Variants in MIPOL1 observed in about 807,000 individuals in gnomAD.
The protein encoded by MIPOL1 is mirror-image polydactyly 1.
Under a neutral mutation model 60.9 loss-of-function variants are expected in MIPOL1, and 57 were observed. That is an observed-to-expected ratio of 0.94 (90% confidence interval 0.76 to 1.17). The LOEUF (loss-of-function observed/expected upper bound fraction) is 1.17. Ranked by LOEUF, MIPOL1 falls within the 50% of genes most tolerant of loss-of-function variation. The probability of loss-of-function intolerance (pLI) is 0.00; values close to 1 mark genes in which losing one functional copy is unlikely to be tolerated. For synonymous variants in MIPOL1, 179 were observed against 168.8 expected, an observed-to-expected ratio of 1.06 and a Z score of -0.47; for missense variants, 551 against 511.6, an observed-to-expected ratio of 1.08 and a Z score of -0.74.
chr14:37,397,447 C>G (rs1434903662), intron 10 of MIPOL1, among the ~76,000 whole-genome samples: 3 of 152,116 alleles, frequency 2.0e-5, no homozygotes, highest in African/African-American at 7.2e-5. Flanking sequence ...GTTTAATGTT[C>G]TATTTTTGTG....
At chr14:37,466,003 A>G (rs990386559) in intron 11 of MIPOL1, among the ~76,000 whole-genome samples, 2 of 152,178 alleles carry the variant, frequency 1.3e-5, no homozygotes, top group African/African-American at 4.8e-5. Flanking sequence ...AGATAAAACA[A>G]GGGGCTCAAC....
intron 7 of MIPOL1, among the ~76,000 whole-genome samples, chr14:37,289,529 TTAC>T: frequency 6.6e-6 from 1 of 152,186 alleles, no homozygotes; most frequent in Non-Finnish European, 1.5e-5. Flanking sequence ...GGAATCTTAC[TTAC>T]GTTTATTAAA....
intron 10 of MIPOL1, chr14:37,399,758 A>G (rs971128386): frequency 3.9e-5 from 6 of 152,218 alleles, no homozygotes; most frequent in Non-Finnish European, 7.3e-5. Flanking sequence ...AATGGTCAGG[A>G]AAAACAGCAA....
At chr14:37,430,873 G>A (rs1267845157) in intron 11 of MIPOL1, among the ~76,000 whole-genome samples, 2 of 152,234 alleles carry the variant, frequency 1.3e-5, no homozygotes, top group East Asian at 3.9e-4. Flanking sequence ...CCAGAAGGAC[G>A]TTTTTTGGCA....
chr14:37,360,785 T>C (rs2092185670), intron 9 of MIPOL1, among the ~76,000 whole-genome samples: 1 of 152,138 alleles, frequency 6.6e-6, no homozygotes, highest in African/African-American at 2.4e-5. Context: ...GATTCATTGA[T>C]TTTTTTGAAG....
At chr14:37,429,745 C>T (rs1279287796) in intron 11 of MIPOL1, among the ~76,000 whole-genome samples, 1 of 151,786 alleles carries the variant, frequency 6.6e-6, no homozygotes, top group Non-Finnish European at 1.5e-5. Flanking sequence ...AGTATAGGTC[C>T]TTTTCTCTTT....
chr14:37,279,611 G>GT (rs938306675), intron 6 of MIPOL1, among the ~76,000 whole-genome samples: 2 of 151,758 alleles, frequency 1.3e-5, no homozygotes, highest in Non-Finnish European at 2.9e-5. Context: ...GGTTTTGAGG[G>GT]TTTTTTTGTT....
At chr14:37,341,222 G>A (rs1295916713) in intron 9 of MIPOL1, among the ~76,000 whole-genome samples, 1 of 152,076 alleles carries the variant, frequency 6.6e-6, no homozygotes, top group East Asian at 1.9e-4. Context: ...ACATGCTATT[G>A]GAAAAATGGC....
At chr14:37,358,734 C>T (rs1027288690) in intron 9 of MIPOL1, among the ~76,000 whole-genome samples, 3 of 152,068 alleles carry the variant, frequency 2.0e-5, no homozygotes, top group Non-Finnish European at 2.9e-5. Flanking sequence ...TGGATGTCAG[C>T]CCTTTGTCAC....
chr14:37,461,521 G>T (rs1259619224), intron 11 of MIPOL1, among the ~76,000 whole-genome samples: 1 of 151,932 alleles, frequency 6.6e-6, no homozygotes, highest in Non-Finnish European at 1.5e-5. Context: ...TCTGCCCCTG[G>T]CCCCCTCCCA....
At chr14:37,238,088 G>A (rs184198075) in intron 1 of MIPOL1, among the ~76,000 whole-genome samples, 6 of 152,090 alleles carry the variant, frequency 3.9e-5, no homozygotes, top group Admixed American at 3.9e-4. Flanking sequence ...TTCCTTGGTC[G>A]CCAAAGCAGC....
At chr14:37,224,242 G>C (rs1346539049) in intron 1 of MIPOL1, among the ~76,000 whole-genome samples, 11 of 152,194 alleles carry the variant, frequency 7.2e-5, no homozygotes, top group Admixed American at 7.2e-4. Flanking sequence ...CACTTTGCGA[G>C]GCTGAGGTGG....
chr14:37,398,357 C>T (rs1878708537), intron 10 of MIPOL1, among the ~76,000 whole-genome samples: 1 of 152,176 alleles, frequency 6.6e-6, no homozygotes, highest in Non-Finnish European at 1.5e-5. Context: ...CACTCTACTT[C>T]CTTCACAGGG....
chr14:37,539,165 G>A (rs976832056), intron 12 of MIPOL1, among the ~76,000 whole-genome samples: 2 of 151,946 alleles, frequency 1.3e-5, no homozygotes, highest in African/African-American at 4.8e-5. Context: ...TCGTGCCACT[G>A]CACTCCAGCC....
At chr14:37,320,158 T>C (rs1414103556) in intron 9 of MIPOL1, among the ~76,000 whole-genome samples, 2 of 152,170 alleles carry the variant, frequency 1.3e-5, no homozygotes, top group Admixed American at 1.3e-4. Flanking sequence ...AGCATTTATT[T>C]ATTTTGATAC....
chr14:37,441,371 T>C (rs1259526990), intron 11 of MIPOL1, among the ~76,000 whole-genome samples: 1 of 152,142 alleles, frequency 6.6e-6, no homozygotes, highest in Non-Finnish European at 1.5e-5. Flanking sequence ...TAGTTTTAGG[T>C]CTTATATTTA....
At chr14:37,227,236 T>C (rs1438921594) in intron 1 of MIPOL1, among the ~76,000 whole-genome samples, 1 of 152,206 alleles carries the variant, frequency 6.6e-6, no homozygotes, top group Non-Finnish European at 1.5e-5. Flanking sequence ...ATCTATTTCT[T>C]GCCTTTTCCT....
intron 12 of MIPOL1, among the ~76,000 whole-genome samples, chr14:37,510,879 T>C (rs1367067275): frequency 6.6e-6 from 1 of 152,118 alleles, no homozygotes; most frequent in Non-Finnish European, 1.5e-5. Flanking sequence ...CTTCTATGGC[T>C]GTTCCTTCCC....
chr14:37,372,764 A>AAAC (rs548024177), intron 10 of MIPOL1, among the ~76,000 whole-genome samples: 10 of 151,186 alleles, frequency 6.6e-5, no homozygotes, highest in Admixed American at 1.3e-4. Flanking sequence ...CAAAAAAAAA[A>AAAC]AAAAAAATTG....
Sources: allele counts gnomAD v4.1 joint callset (sites outside exome capture counted in the v4.1 genomes callset), GRCh38; gene constraint gnomAD v4.1.1; transcripts MANE v1.5; gene names NCBI Gene and HGNC (gene_info 2026-07-23, HGNC 2026-07-21).